The following ICE1 variants were observed in gnomAD, a reference collection of about 807,000 sequenced individuals.
The protein encoded by ICE1 is little elongation complex subunit 1.
Under a neutral mutation model 192.7 loss-of-function variants are expected in ICE1, and 64 were observed. That is an observed-to-expected ratio of 0.33 (90% CI 0.27 to 0.41). The LOEUF is 0.41. Among genes scored for constraint, ICE1 ranks in the 10% least tolerant of loss-of-function variants. The pLI, the probability that ICE1 is intolerant of heterozygous loss-of-function variation, is 1.00. For missense variants in ICE1, 2,708 were observed against 2,696.0 expected (o/e 1.00, Z -0.10); for synonymous variants, 1,010 against 984.5 (o/e 1.03, Z -0.49).
rs750255324 is a variant in ICE1, at chr5:5,465,108, T to G, written c.5774T>G (p.Phe1925Cys). The change falls in exon 13 of 19, where the codon TTT (phenylalanine) becomes TGT (cysteine). Residue 1925 changes from phenylalanine (F) to cysteine (C), a missense_variant. Physicochemically the swap from Phe to Cys is radical, Grantham distance 205 (BLOSUM62 -2). Transcript: ENST00000296564. ...IANALKKIAE[F>C]SFDLLPVIRS... ...AATGCCCTGAAGAAAATTGCAGAGT[T>G]TTCTTTTGATCTGTTACCTGTCATT... The G allele has an allele frequency of 5.0e-6, 8 of 1,613,076 alleles. No homozygotes were observed. The highest frequency in any genetic ancestry group is 1.3e-5 in the African/African-American group (1 of 74,928).
At chr5:5,458,620 T>C (rs970660905) in intron 12 of ICE1, among the ~76,000 whole-genome samples, 2 of 152,144 alleles carry the variant, frequency 1.3e-5, no homozygotes, top group Admixed American at 1.3e-4. Flanking sequence ...CACAAGAATG[T>C]AGAAGCAAGG....
chr5:5,425,464 G>C lies in ICE1; in HGVS notation c.84+2465G>C, dbSNP rs1365044186. 2.0e-5 allele frequency among the ~76,000 whole-genome samples: 3 copies of C among 152,190 alleles called. No homozygotes were observed. In the East Asian group the frequency reaches 5.8e-4, roughly 29 times the overall value. On this transcript the variant is annotated intron_variant, in intron 1 of 18. Transcript: ENST00000296564. ...TTCCATTGAAACATTATAAACACTG[G>C]AGTAGGGCCTTAGTTTACAGAGTTC...
In ICE1 at chr5:5,464,345, C is replaced by T. The variant is rs1184848551; in HGVS notation, c.5011C>T (p.Pro1671Ser). 1 of 1,613,800 alleles carries T rather than the reference C, an allele frequency of 6.2e-7. No individual in the cohort carries two copies. Among genetic ancestry groups the T allele is most frequent in the Admixed American group, 1.7e-5 (1 of 60,008 alleles). ...SPASPVGQVS[P>S]FRETPVPPAM... ...AGCCTCTCCTGTTGGCCAGGTTTCTCCCTTCCGTGAAACCCCAGTGCCTCC... is the reference window on the plus strand; with the variant it reads ...AGCCTCTCCTGTTGGCCAGGTTTCTTCCTTCCGTGAAACCCCAGTGCCTCC... Residue 1671 changes from proline to serine, a missense_variant, in exon 13 of 19, where the codon CCC becomes TCC. Physicochemically the swap from Pro to Ser is moderately conservative, Grantham distance 74. This residue lies in a region of ICE1 where 2,366 missense variants were observed against 2,276.6 expected (regional missense o/e 1.04). Coordinates refer to ENST00000296564, the MANE Select transcript of ICE1 (RefSeq NM_015325.3). This position sits in a 1 kb window ranked among gnomAD's most constrained non-coding sequence, Gnocchi z 4.0.
At chr5:5,475,931 A>G (rs1237952671) in intron 16 of ICE1, 42 bp from the exon 17 acceptor site, 2 of 1,133,624 alleles carry the variant, frequency 1.8e-6, no homozygotes, top group Non-Finnish European at 2.7e-6. Context: ...GTATTATTTG[A>G]GTGATGATGA....
chr5:5,456,805 TA>T (rs1561084948), intron 11 of ICE1, among the ~76,000 whole-genome samples: 1 of 152,226 alleles, frequency 6.6e-6, no homozygotes. Context: ...ATTAGGTTTT[TA>T]TAGGAACTTT....
In ICE1 at chr5:5,422,872, G is replaced by T; in HGVS notation, c.-44G>T. The T allele has an allele frequency of 7.9e-7, 1 of 1,264,990 alleles. No homozygotes were observed. Among genetic ancestry groups the T allele is most frequent in the South Asian group, 2.4e-5 (1 of 41,910 alleles). The allele number at this position is 1,264,990 out of a possible 1,614,324, so 78.4% of individuals were successfully genotyped here. A position where few individuals can be genotyped will look rare whatever the true frequency, so the allele number is the denominator to read the frequency against. On this transcript the variant is annotated 5_prime_UTR_variant, in exon 1 of 19. Coordinates refer to ENST00000296564, the MANE Select transcript of ICE1 (RefSeq NM_015325.3). The stretch of plus-strand genomic sequence containing the variant: ...AGAGACAGGACGGGGCCGACGCCGC[G>T]GGCCCCTGAGGCGTGCGTGCCCACC...
chr5:5,426,416 C>G (rs1489702254), intron 1 of ICE1, among the ~76,000 whole-genome samples: 2 of 150,314 alleles, frequency 1.3e-5, no homozygotes, highest in African/African-American at 4.9e-5. Context: ...CCACTGCACT[C>G]CAGCCTGGGT....
At chr5:5,459,202 C>G (rs1464619427) in intron 12 of ICE1, among the ~76,000 whole-genome samples, 1 of 152,092 alleles carries the variant, frequency 6.6e-6, no homozygotes, top group Admixed American at 6.5e-5. Flanking sequence ...ATACCTGAAC[C>G]TAAGTTGTGG....
chr5:5,453,885 CTT>C (rs1428425494), intron 10 of ICE1, among the ~76,000 whole-genome samples: 2 of 152,148 alleles, frequency 1.3e-5, no homozygotes, highest in African/African-American at 4.8e-5. Flanking sequence ...ATTTACATCT[CTT>C]TGAAAATGTG....
In ICE1 at chr5:5,464,828, A is replaced by G. The variant is rs542531474; in HGVS notation, c.5494A>G (p.Ser1832Gly). Residue 1832 changes from serine to glycine, a missense_variant, in exon 13 of 19, where the codon AGC becomes GGC. This residue lies in a region of ICE1 where 2,366 missense variants were observed against 2,276.6 expected (regional missense o/e 1.04). Transcript: ENST00000296564. The surrounding 1 kb of genome is among the most constrained non-coding windows in gnomAD (Gnocchi z 4.0). The stretch of plus-strand genomic sequence containing the variant: ...AGATTTGGGGACTCAGCAGGATTCA[A>G]GCGGGAAAAGAACACTGTCAACGTC... ...SRDLGTQQDSSGKRTLSTSTL... is the reference protein window; with the variant it reads ...SRDLGTQQDSGGKRTLSTSTL... 6 of 1,613,524 alleles carry G rather than the reference A, an allele frequency of 3.7e-6. No homozygotes were observed. In the African/African-American group the frequency reaches 8.0e-5, roughly 21 times the overall value.
chr5:5,473,243 T>A (rs1188690301), intron 15 of ICE1, among the ~76,000 whole-genome samples: 5 of 152,224 alleles, frequency 3.3e-5, no homozygotes, highest in Non-Finnish European at 7.3e-5. Context: ...TAATTATAAC[T>A]AGCTTTCTAA....
chr5:5,450,186 T>A (rs929828180), intron 10 of ICE1, among the ~76,000 whole-genome samples: 2 of 152,310 alleles, frequency 1.3e-5, no homozygotes, highest in South Asian at 4.1e-4. Flanking sequence ...GAAAACTGAT[T>A]GCATTTCCTT....
chr5:5,449,527 A>T (rs1290984321), intron 10 of ICE1, among the ~76,000 whole-genome samples: 1 of 152,132 alleles, frequency 6.6e-6, no homozygotes, highest in Non-Finnish European at 1.5e-5. Flanking sequence ...AGTAGAAGAA[A>T]TGAGGAAGAT....
In ICE1 at chr5:5,436,433, G is replaced by T. The variant is rs1579541632; in HGVS notation, c.100G>T (p.Val34Phe). ...TTTCTTTCAGAATTTGAATGAATAT[G>T]TTGAAGCATTAATTACCTTGAAACA... ...ASLQQNLNEY[V>F]EALITLKQKI... Residue 34 changes from valine (V) to phenylalanine (F), a missense_variant, in exon 2 of 19, where the codon GTT becomes TTT. By Grantham distance (50) the Val-to-Phe change is conservative. Around this residue, in one of 2 missense-constraint regions of ICE1, gnomAD observed 2,366 missense variants for 2,276.6 expected, o/e 1.04. Transcript: ENST00000296564. The T allele has an allele frequency of 2.0e-6, 3 of 1,475,762 alleles. No homozygotes were observed. Among genetic ancestry groups the T allele is most frequent in the Non-Finnish European group, 1.8e-6 (2 of 1,110,002 alleles). 91.4% of individuals were successfully genotyped at this position (1,475,762 alleles called of 1,614,324 possible). A position where few individuals can be genotyped will look rare whatever the true frequency, so the allele number is the denominator to read the frequency against.
chr5:5,444,301 A>G lies in ICE1; in HGVS notation c.399A>G (p.Leu133=), dbSNP rs374593611. ...CLKSDAQKKK[L]EAKVKKLQEA... is the part of the protein sequence containing the mutation. ...ATTTCGTTATTAGGAAGAAGAAACTAGAAGCTAAGGTGAAGAAGCTGCAAG... is the reference window on the plus strand; with the variant it reads ...ATTTCGTTATTAGGAAGAAGAAACTGGAAGCTAAGGTGAAGAAGCTGCAAG... Residue 133 remains leucine (L), a synonymous_variant, in exon 7 of 19, where the codon CTA becomes CTG. Coordinates refer to ENST00000296564, the MANE Select transcript of ICE1 (RefSeq NM_015325.3). 1 of 1,566,916 alleles carries G rather than the reference A, an allele frequency of 6.4e-7. No homozygotes were observed. The highest frequency in any genetic ancestry group is 8.7e-7 in the Non-Finnish European group (1 of 1,153,780).
chr5:5,485,961 T>C (rs1455736123), intron 17 of ICE1, among the ~76,000 whole-genome samples: 1 of 152,232 alleles, frequency 6.6e-6, no homozygotes, highest in East Asian at 1.9e-4. Flanking sequence ...TAGCCATAGT[T>C]TGTCAGTTCT....
At chr5:5,485,416 T>C (rs1210160388) in intron 17 of ICE1, among the ~76,000 whole-genome samples, 2 of 152,210 alleles carry the variant, frequency 1.3e-5, no homozygotes, top group Non-Finnish European at 2.9e-5. Flanking sequence ...TCGTGTGTTT[T>C]TCATATCCGT....
chr5:5,422,884 C>T lies in ICE1; in HGVS notation c.-32C>T. 1 of 1,338,014 alleles carries T rather than the reference C, an allele frequency of 7.5e-7. No individual in the cohort carries two copies. Among genetic ancestry groups the T allele is most frequent in the South Asian group, 1.8e-5 (1 of 54,140 alleles). The allele number at this position is 1,338,014 out of a possible 1,614,324, so 82.9% of individuals were successfully genotyped here. On this transcript the variant is annotated 5_prime_UTR_variant, in exon 1 of 19. Transcript: ENST00000296564. ...GGGCCGACGCCGCGGGCCCCTGAGG[C>T]GTGCGTGCCCACCGGGCCCGGCGGC... is the stretch of plus-strand genomic sequence containing the variant.
At chr5:5,436,709 C>A (rs370868023) in intron 2 of ICE1, among the ~76,000 whole-genome samples, 1 of 152,190 alleles carries the variant, frequency 6.6e-6, no homozygotes, top group East Asian at 1.9e-4. Flanking sequence ...TTTTACCAAA[C>A]TGGACTTCTT....
Sources: allele counts gnomAD v4.1 joint callset (sites outside exome capture counted in the v4.1 genomes callset), GRCh38; gene constraint gnomAD v4.1.1; regional missense constraint gnomAD v4.1.1; non-coding constraint Gnocchi (gnomAD v3.1); transcripts MANE v1.5; gene names NCBI Gene and HGNC (gene_info 2026-07-23, HGNC 2026-07-21).